ALDH4A1: variants seen among roughly 807,000 people sequenced by gnomAD.
ALDH4A1 encodes the protein aldehyde dehydrogenase 4 family member A1.
ALDH4A1 carries 46 observed loss-of-function variants against 70.5 expected under a neutral mutation model. The observed-to-expected ratio is 0.65, with a 90% CI of 0.51 to 0.83. The LOEUF is 0.83. ALDH4A1 is among the 40% of genes least tolerant of loss of function. The pLI is 0.00. For missense variants in ALDH4A1, 749 were observed against 766.5 expected, an observed-to-expected ratio of 0.98 and a Z score of 0.27; for synonymous variants, 323 against 324.3, an observed-to-expected ratio of 1.00 and a Z score of 0.04.
Position 18,890,062 on chromosome 1 carries a change from G to T in ALDH4A1, c.106C>A (p.Pro36Thr). Residue 36 changes from proline (P) to threonine (T), a missense_variant, in exon 2 of 15, where the codon CCC (proline) becomes ACC (threonine). By Grantham distance (38) the Pro-to-Thr change is conservative (BLOSUM62 -1). Coordinates refer to ENST00000375341, the MANE Select transcript of ALDH4A1 (RefSeq NM_003748.4). ...CTGCCCTGCGTGAAGGCTAAGACGG[G>T]CTCGTTGGCCACCTTCAGGGAGGAG... ...HTSSLKVANE[P>T]VLAFTQGSPE... 6.2e-7 allele frequency: 1 copy of T among 1,613,164 alleles called. No individual in the cohort carries two copies. Among genetic ancestry groups the T allele is most frequent in the Non-Finnish European group, 8.5e-7 (1 of 1,179,804 alleles).
rs2100551089 is a variant in ALDH4A1, at chr1:18,874,593, A to G, written c.1461-12T>C. 2 of 1,613,876 alleles carry G rather than the reference A, an allele frequency of 1.2e-6. No homozygotes were observed. Among genetic ancestry groups the G allele is most frequent in the Non-Finnish European group, 1.7e-6 (2 of 1,179,778 alleles). On this transcript the variant is annotated splice_polypyrimidine_tract_variant and intron_variant, in intron 13 of 14. Transcript: ENST00000375341. ...CCTGCACGACGTCCCTACAAAGCAGAGCAGTGGTGACAGAGCAACCAGCTC... is the reference window on the plus strand; with the variant it reads ...CCTGCACGACGTCCCTACAAAGCAGGGCAGTGGTGACAGAGCAACCAGCTC...
rs1138267 is a variant in ALDH4A1, at chr1:18,872,082, A to G, written c.*763T>C. 0.66 allele frequency: 100,327 copies of G among 152,280 alleles called. 33,684 individuals carry two copies. Among genetic ancestry groups the G allele is most frequent in the Admixed American group, 0.76 (11,695 of 15,300 alleles). The allele number at this position is 152,280 out of a possible 1,614,324, so 9.4% of individuals were successfully genotyped here. On this transcript the variant is annotated 3_prime_UTR_variant, in exon 15 of 15. Transcript: ENST00000375341. ...CTCTACAGGTAGGGCCTGAGGATCA[A>G]AGGGAAGGCTGACATAGGACGAAGG...
rs1045270873 is a variant in ALDH4A1, at chr1:18,890,117, G to A, written c.63-12C>T. On this transcript the variant is annotated splice_polypyrimidine_tract_variant and intron_variant, in intron 1 of 14. Coordinates refer to ENST00000375341, the MANE Select transcript of ALDH4A1 (RefSeq NM_003748.4). Reference sequence around the variant, plus strand: ...GCTTCCACCGCAGGCTGGAACACAAGGGCAGGGGACAGAGGCAGAGAGGTC... The same window carrying A: ...GCTTCCACCGCAGGCTGGAACACAAAGGCAGGGGACAGAGGCAGAGAGGTC... 2 of 1,605,230 alleles carry A rather than the reference G, an allele frequency of 1.2e-6. No homozygotes were observed. The highest frequency in any genetic ancestry group is 1.7e-6 in the Non-Finnish European group (2 of 1,175,314).
At chr1:18,877,633 G>GCCCCC in intron 9 of ALDH4A1, 21 bp from the exon 10 acceptor site, 3 of 683,662 alleles carry the variant, frequency 4.4e-6, no homozygotes, top group Non-Finnish European at 5.2e-6. Flanking sequence ...CGGGGGTGGG[G>GCCCCC]AAATGACCAG....
intron 1 of ALDH4A1, chr1:18,890,652 G>A: frequency 1.0e-6 from 1 of 980,910 alleles, no homozygotes; most frequent in Non-Finnish European, 1.2e-6. Context: ...CTGTGAACGT[G>A]GTTCTACGTC....
intron 1 of ALDH4A1, among the ~76,000 whole-genome samples, chr1:18,901,569 G>A (rs1017498960): frequency 6.6e-6 from 1 of 152,204 alleles, no homozygotes; most frequent in Non-Finnish European, 1.5e-5. Flanking sequence ...TTGTCATTGA[G>A]TGGGCAAGGG....
chr1:18,874,235 C>T (rs1488633423), intron 14 of ALDH4A1, among the ~76,000 whole-genome samples: 1 of 152,232 alleles, frequency 6.6e-6, no homozygotes, highest in Non-Finnish European at 1.5e-5. Flanking sequence ...TACAATCCCA[C>T]CAGGGTCATG....
At chr1:18,879,222 T>C (rs1934862520) in intron 9 of ALDH4A1, 78 bp downstream of exon 9, 1 of 1,417,652 alleles carries the variant, frequency 7.1e-7, no homozygotes, top group South Asian at 1.2e-5. Context: ...GGATCCCCTC[T>C]ACCTCCCTCC....
At chr1:18,879,178 T>G (rs28497538) in intron 9 of ALDH4A1, 122 bp downstream of exon 9, 374,224 of 947,762 alleles carry the variant, frequency 0.39, 76,105 homozygotes, top group African/African-American at 0.49. Context: ...GCAGTGCTGG[T>G]GCCTGAAATG....
chr1:18,872,913 T>A lies in ALDH4A1; in HGVS notation c.1624A>T (p.Thr542Ser). The A allele has an allele frequency of 6.2e-7, 1 of 1,614,026 alleles. No homozygotes were observed. Among genetic ancestry groups the A allele is most frequent in the Non-Finnish European group, 8.5e-7 (1 of 1,180,000 alleles). ...PGGPHYILRW[T>S]SPQVIKETHK... ...GTCTCCTTGATGACCTGCGGCGACGTCCAGCGCAGGATGTAGTGTGGGCCC... is the reference window on the plus strand; with the variant it reads ...GTCTCCTTGATGACCTGCGGCGACGACCAGCGCAGGATGTAGTGTGGGCCC... The change falls in exon 15 of 15, where the codon ACG becomes TCG. Residue 542 changes from threonine to serine, a missense_variant. Coordinates refer to ENST00000375341, the MANE Select transcript of ALDH4A1 (RefSeq NM_003748.4).
chr1:18,881,914 A>C, intron 7 of ALDH4A1, 27 bp from the exon 8 acceptor site: 1 of 1,606,810 alleles, frequency 6.2e-7, no homozygotes, highest in African/African-American at 1.3e-5. Context: ...TCAGTGATGC[A>C]TGAGGATGGC....
At chr1:18,891,248 T>C (rs376382411) in intron 1 of ALDH4A1, among the ~76,000 whole-genome samples, 13 of 152,252 alleles carry the variant, frequency 8.5e-5, no homozygotes, top group East Asian at 3.8e-4. Flanking sequence ...AGTCAACTAA[T>C]GCCCAAAGGG....
chr1:18,882,400 C>G (rs1458005727), intron 7 of ALDH4A1, among the ~76,000 whole-genome samples: 1 of 152,210 alleles, frequency 6.6e-6, no homozygotes, highest in East Asian at 1.9e-4. Flanking sequence ...TCGGGGTTCC[C>G]GACAACTATG....
At chr1:18,886,536 C>T (rs1357962464) in intron 3 of ALDH4A1, 25 bp from the exon 4 acceptor site, 4 of 1,613,480 alleles carry the variant, frequency 2.5e-6, no homozygotes, top group Non-Finnish European at 3.4e-6. Context: ...GAGTGAGGTC[C>T]TTGCCCGGGA....
chr1:18,898,904 T>C lies in ALDH4A1; in HGVS notation c.62+3558A>G, dbSNP rs1451034415. Among the ~76,000 whole-genome samples the C allele has an allele frequency of 1.3e-5, 2 of 152,234 alleles. No homozygotes were observed. Among genetic ancestry groups the C allele is most frequent in the African/African-American group, 4.8e-5 (2 of 41,462 alleles). On this transcript the variant is annotated intron_variant, in intron 1 of 14. Coordinates refer to ENST00000375341, the MANE Select transcript of ALDH4A1 (RefSeq NM_003748.4). This position sits in a 1 kb window ranked among gnomAD's most constrained non-coding sequence, Gnocchi z 4.3. ...AGAAGTGTGATGATAATCACAGGTT[T>C]TAATTATTCTCCAACTCAAATACTC...
chr1:18,888,522 C>T lies in ALDH4A1; in HGVS notation c.249+840G>A, dbSNP rs114675106. ...GGGGCTTATCAGAATGCCGGAGCCT[C>T]GCTGCCTGGAAAAATCCCAGCTGCC... On this transcript the variant is annotated intron_variant, in intron 3 of 14. Coordinates refer to ENST00000375341, the MANE Select transcript of ALDH4A1 (RefSeq NM_003748.4). 3.8e-3 allele frequency among the ~76,000 whole-genome samples: 585 copies of T among 152,348 alleles called. 5 individuals are homozygous for T. Among genetic ancestry groups the T allele is most frequent in the Middle Eastern group, 6.8e-3 (2 of 294 alleles).
At position 18,874,505 on chromosome 1, in the gene ALDH4A1, A is replaced by C. The variant is rs1444732434; in HGVS notation, c.1537T>G (p.Ser513Ala). The change falls in exon 14 of 15, where the codon TCG becomes GCG. Residue 513 changes from serine to alanine, a missense_variant. Coordinates refer to ENST00000375341, the MANE Select transcript of ALDH4A1 (RefSeq NM_003748.4). ...CCAAAGGGCTGCTGGCCCACTATCGAGCCAGTGGACTTGTCGTTGATGTAG... is the reference window on the plus strand; with the variant it reads ...CCAAAGGGCTGCTGGCCCACTATCGCGCCAGTGGACTTGTCGTTGATGTAG... ...NFYINDKSTG[S>A]IVGQQPFGGA... 1 of 1,614,118 alleles carries C rather than the reference A, an allele frequency of 6.2e-7. No individual in the cohort carries two copies. The highest frequency in any genetic ancestry group is 8.5e-7 in the Non-Finnish European group (1 of 1,180,024).
chr1:18,885,133 C>CT (rs1935141107), intron 5 of ALDH4A1, among the ~76,000 whole-genome samples: 1 of 152,038 alleles, frequency 6.6e-6, no homozygotes, highest in African/African-American at 2.4e-5. Flanking sequence ...AAAGACCACT[C>CT]TGAGGGCGGC....
chr1:18,884,889 G>T (rs1005894502), intron 5 of ALDH4A1, among the ~76,000 whole-genome samples: 2 of 152,200 alleles, frequency 1.3e-5, no homozygotes, highest in Admixed American at 6.5e-5. Flanking sequence ...CAGGCAGGAG[G>T]ACACGTGGGC....
Sources: gnomAD v4.1 joint callset for allele counts (sites outside exome capture counted in the v4.1 genomes callset) on GRCh38, gnomAD v4.1.1 for gene constraint, Gnocchi (gnomAD v3.1) non-coding constraint, MANE v1.5 for transcripts, NCBI Gene and HGNC (gene_info 2026-07-23, HGNC 2026-07-21) for gene names.